MATN2: variants seen among roughly 807,000 people sequenced by gnomAD.
MATN2 encodes the protein matrilin 2.
Under a neutral mutation model 103.2 loss-of-function variants are expected in MATN2, and 69 were observed. That is an observed-to-expected ratio of 0.67 (90% confidence interval 0.55 to 0.82). The LOEUF (loss-of-function observed/expected upper bound fraction) is 0.82, where lower values mean the gene tolerates loss of function less well. Ranked by LOEUF, MATN2 falls within the 40% of genes least tolerant of loss-of-function variation. The pLI, the probability that MATN2 is intolerant of heterozygous loss-of-function variation, is 0.00. For missense variants in MATN2, 1,023 were observed against 1,211.5 expected, an observed-to-expected ratio of 0.84 and a Z score of 2.31; for synonymous variants, 429 against 450.2, an observed-to-expected ratio of 0.95 and a Z score of 0.60.
intron 1 of MATN2, among the ~76,000 whole-genome samples, chr8:97,878,306 T>C (rs1818143452): frequency 1.3e-5 from 2 of 152,188 alleles, no homozygotes; most frequent in African/African-American, 4.8e-5. Flanking sequence ...GCCTCACACC[T>C]GTAATCCCAG....
chr8:97,994,439 T>C, intron 6 of MATN2, 41 bp from the exon 7 acceptor site: 1 of 1,585,708 alleles, frequency 6.3e-7, no homozygotes, highest in Non-Finnish European at 8.6e-7. Flanking sequence ...GCTAGCTTTA[T>C]TGATTGGTTT....
At chr8:97,993,845 C>T (rs982493917) in intron 6 of MATN2, among the ~76,000 whole-genome samples, 8 of 152,212 alleles carry the variant, frequency 5.3e-5, no homozygotes, top group South Asian at 2.1e-4. Context: ...TTCGATAAAA[C>T]ACTCAGCTAA....
intron 5 of MATN2, among the ~76,000 whole-genome samples, chr8:97,962,356 G>T (rs768753445): frequency 6.6e-6 from 1 of 152,096 alleles, no homozygotes; most frequent in African/African-American, 2.4e-5. Context: ...ATTTTGCTTC[G>T]CACAAACAGG....
At chr8:98,032,338 T>C (rs1814062230) in intron 16 of MATN2, 21 bp downstream of exon 16, 1 of 1,584,966 alleles carries the variant, frequency 6.3e-7, no homozygotes, top group East Asian at 2.3e-5. Flanking sequence ...TAAGGCAGTG[T>C]TTTTAGAAAT....
At chr8:97,936,211 A>G (rs1410038478) in intron 3 of MATN2, among the ~76,000 whole-genome samples, 1 of 152,158 alleles carries the variant, frequency 6.6e-6, no homozygotes, top group East Asian at 1.9e-4. Context: ...CATGGAATCT[A>G]TGGGCTGAAA....
At chr8:97,902,115 A>G (rs1024831374) in intron 2 of MATN2, among the ~76,000 whole-genome samples, 48 of 151,818 alleles carry the variant, frequency 3.2e-4, no homozygotes, top group Non-Finnish European at 6.8e-4. Context: ...CTCCTGCCTC[A>G]GCCTCCCAAA....
chr8:98,023,562 T>C (rs576383837), intron 13 of MATN2, among the ~76,000 whole-genome samples: 14 of 152,174 alleles, frequency 9.2e-5, no homozygotes, highest in Admixed American at 7.9e-4. Flanking sequence ...TCCCAGCTAC[T>C]AGGGAGGCTG....
At chr8:97,972,351 A>AAAAG (rs1554609523) in intron 5 of MATN2, among the ~76,000 whole-genome samples, 1 of 150,310 alleles carries the variant, frequency 6.7e-6, no homozygotes, top group Admixed American at 6.6e-5. Context: ...AAAAAAAAAA[A>AAAAG]AAAAGAAAAG....
In MATN2 at chr8:98,007,459, C is replaced by T. The variant is rs774911826; in HGVS notation, c.1451-20C>T. 3 of 1,605,094 alleles carry T rather than the reference C, an allele frequency of 1.9e-6. No homozygotes were observed. The Admixed American group carries it at 5.0e-5, about 27-fold the overall frequency. ...CAGAGGTCTCACTGATAAAGGGCTG[C>T]CTGGCTTTTGGTTTTGCAGGGGTGG... On this transcript the variant is annotated intron_variant, in intron 9 of 18. Transcript: ENST00000254898. This position sits in a 1 kb window ranked among gnomAD's most constrained non-coding sequence, Gnocchi z 4.2.
At position 97,921,666 on chromosome 8, in the gene MATN2, A is replaced by G. The variant is rs1326790444; in HGVS notation, c.143-9287A>G. Among the ~76,000 whole-genome samples, 8 of 152,362 alleles carry G rather than the reference A, an allele frequency of 5.3e-5. No homozygotes were observed. The East Asian group carries it at 1.5e-3, about 29-fold the overall frequency. On this transcript the variant is annotated intron_variant, in intron 2 of 18. Transcript: ENST00000254898. ...TCACAGTCTGGAGGCACACAGGGACAGAAGCACCTGAGGAGGCTCAGGGGC... is the reference window on the plus strand; with the variant it reads ...TCACAGTCTGGAGGCACACAGGGACGGAAGCACCTGAGGAGGCTCAGGGGC...
intron 6 of MATN2, among the ~76,000 whole-genome samples, chr8:97,988,846 C>G (rs1265202314): frequency 1.3e-5 from 2 of 152,168 alleles, no homozygotes; most frequent in Admixed American, 6.5e-5. Flanking sequence ...TCCTATGAGG[C>G]TATCAGTACC....
intron 10 of MATN2, among the ~76,000 whole-genome samples, chr8:98,015,398 C>T (rs1365993056): frequency 1.3e-5 from 2 of 152,216 alleles, no homozygotes; most frequent in East Asian, 3.8e-4. Context: ...CTGTGAACCC[C>T]ACATGGTCTG....
chr8:98,023,212 G>C (rs563273038), intron 13 of MATN2, among the ~76,000 whole-genome samples: 1 of 152,256 alleles, frequency 6.6e-6, no homozygotes, highest in Non-Finnish European at 1.5e-5. Context: ...GGCCGAGATC[G>C]TGCCACTGCA....
At chr8:97,943,716 A>G (rs945323252) in intron 4 of MATN2, among the ~76,000 whole-genome samples, 2 of 151,944 alleles carry the variant, frequency 1.3e-5, no homozygotes, top group Admixed American at 1.3e-4. Flanking sequence ...CAACCCCCAA[A>G]GTGCTGAGAT....
At chr8:97,909,295 G>A (rs868585668) in intron 2 of MATN2, among the ~76,000 whole-genome samples, 2 of 152,198 alleles carry the variant, frequency 1.3e-5, no homozygotes, top group Admixed American at 6.5e-5. Flanking sequence ...TGTCATATGA[G>A]TCAGTCTGCT....
At chr8:97,911,311 T>C (rs568022224) in intron 2 of MATN2, among the ~76,000 whole-genome samples, 37 of 152,272 alleles carry the variant, frequency 2.4e-4, no homozygotes, top group Non-Finnish European at 3.5e-4. Flanking sequence ...CCATAGCATA[T>C]GGGGCTGAAA....
chr8:97,872,806 T>C (rs1267829682), intron 1 of MATN2, among the ~76,000 whole-genome samples: 1 of 151,988 alleles, frequency 6.6e-6, no homozygotes, highest in Non-Finnish European at 1.5e-5. Flanking sequence ...CCCCGTTTTT[T>C]TTTTTCAAGA....
intron 2 of MATN2, among the ~76,000 whole-genome samples, chr8:97,913,784 T>C (rs1215637711): frequency 6.6e-6 from 1 of 152,004 alleles, no homozygotes; most frequent in African/African-American, 2.4e-5. Flanking sequence ...CCAGCTAATG[T>C]TTGTATTCTT....
chr8:97,930,857 G>A (rs1415881502), intron 2 of MATN2, 96 bp from the exon 3 acceptor site: 3 of 760,414 alleles, frequency 3.9e-6, no homozygotes, highest in Non-Finnish European at 4.2e-6. Context: ...CCTGACCTCA[G>A]GTGATCCACC....
Sources: allele counts gnomAD v4.1 joint callset (sites outside exome capture counted in the v4.1 genomes callset), GRCh38; gene constraint gnomAD v4.1.1; non-coding constraint Gnocchi (gnomAD v3.1); transcripts MANE v1.5; gene names NCBI Gene and HGNC (gene_info 2026-07-23, HGNC 2026-07-21).